RBFOX1: variants seen among roughly 807,000 people sequenced by gnomAD.
RBFOX1 encodes the protein RNA binding protein fox-1 homolog 1.
Under a neutral mutation model 57.7 loss-of-function variants are expected in RBFOX1, and 8 were observed. That is an observed-to-expected ratio of 0.14 (90% CI 0.08 to 0.25). RBFOX1 has a LOEUF of 0.25. RBFOX1 is among the 10% of genes least tolerant of loss of function. RBFOX1 has a pLI of 1.00. For synonymous variants in RBFOX1, 326 were observed against 222.4 expected, an observed-to-expected ratio of 1.47 and a Z score of -4.15; for missense variants, 611 against 548.5, an observed-to-expected ratio of 1.11 and a Z score of -1.14.
chr16:6,410,303 CTTTTTTT>C (rs34012786), intron 2 of RBFOX1, among the ~76,000 whole-genome samples: 1 of 86,744 alleles, frequency 1.2e-5, no homozygotes, highest in African/African-American at 5.0e-5. Context: ...ACCTAGGGTT[CTTTTTTT>C]TTTTTTTTTT....
chr16:6,998,624 G>A (rs527773269), intron 3 of RBFOX1, among the ~76,000 whole-genome samples: 14 of 152,046 alleles, frequency 9.2e-5, no homozygotes, highest in Non-Finnish European at 1.9e-4. Flanking sequence ...TTGCTTTTTG[G>A]TGTCTCCAAA....
chr16:6,170,095 C>G (rs781401623), intron 1 of RBFOX1, among the ~76,000 whole-genome samples: 1 of 152,116 alleles, frequency 6.6e-6, no homozygotes, highest in Non-Finnish European at 1.5e-5. Flanking sequence ...TCCACAAGGA[C>G]TCAAATATAG....
At chr16:6,682,773 C>A (rs2286967) in intron 3 of RBFOX1, among the ~76,000 whole-genome samples, 2 of 150,824 alleles carry the variant, frequency 1.3e-5, no homozygotes, top group Non-Finnish European at 2.9e-5. Context: ...TAAAATATTT[C>A]AGGGTGAAAT....
intron 1 of RBFOX1, among the ~76,000 whole-genome samples, chr16:6,170,318 C>T (rs9933445): frequency 0.14 from 20,887 of 152,068 alleles, 1,672 homozygotes; most frequent in Middle Eastern, 0.24. Context: ...TCCTACGAGA[C>T]CCTGGTCTGT....
rs372599728 is a variant in RBFOX1, at chr16:6,550,198, G to A, written c.-63-104405G>A. On this transcript the variant is annotated intron_variant, in intron 2 of 15. Coordinates refer to ENST00000550418, the MANE Select transcript of RBFOX1 (RefSeq NM_018723.4). The stretch of plus-strand genomic sequence containing the variant: ...CTTCTTTTTTGGGGGTTGGCGGGGG[G>A]ACAGAGTCTTACTCTGTCGCCCAGA... 9.7e-4 allele frequency among the ~76,000 whole-genome samples: 148 copies of A among 152,026 alleles called. 1 individual carries two copies. The highest frequency in any genetic ancestry group is 6.8e-3 in the Middle Eastern group (2 of 294).
intron 2 of RBFOX1, among the ~76,000 whole-genome samples, chr16:5,482,814 A>C (rs2069591604): frequency 6.6e-6 from 1 of 152,178 alleles, no homozygotes; most frequent in African/African-American, 2.4e-5. Context: ...GGAGAGCAAA[A>C]TATCATCAGC....
chr16:6,980,007 C>A (rs901053537), intron 3 of RBFOX1, among the ~76,000 whole-genome samples: 2 of 151,986 alleles, frequency 1.3e-5, no homozygotes, highest in Non-Finnish European at 2.9e-5. Context: ...TCCTTCCCAG[C>A]CTTAATGGTG....
intron 4 of RBFOX1, among the ~76,000 whole-genome samples, chr16:7,186,994 C>CACACACACAAAAAAAAAAAAAAAAAAAAA (rs2084002207): frequency 2.9e-5 from 2 of 69,290 alleles, no homozygotes; most frequent in African/African-American, 1.3e-4. Context: ...CCCACCTCCA[C>CACACACACAAAAAAAAAAAAAAAAAAAAA]AAAAAAAAAA....
intron 3 of RBFOX1, among the ~76,000 whole-genome samples, chr16:6,664,761 G>T (rs2154102431): frequency 6.6e-6 from 1 of 152,310 alleles, no homozygotes; most frequent in Middle Eastern, 3.4e-3. Flanking sequence ...TTGCTGCCAA[G>T]AAATCCTCAG....
intron 2 of RBFOX1, among the ~76,000 whole-genome samples, chr16:5,505,981 G>A (rs11647266): frequency 0.032 from 4,875 of 152,108 alleles, 101 homozygotes; most frequent in Middle Eastern, 0.075. Flanking sequence ...GACCCAGATT[G>A]TGTGTATATC....
chr16:5,475,379 G>A (rs189960556), intron 2 of RBFOX1, among the ~76,000 whole-genome samples: 13 of 152,276 alleles, frequency 8.5e-5, no homozygotes, highest in Admixed American at 7.8e-4. Context: ...TGTAACCCTT[G>A]TTTCTCTAAG....
intron 4 of RBFOX1, among the ~76,000 whole-genome samples, chr16:7,147,866 C>A (rs574313347): frequency 1.3e-5 from 2 of 152,166 alleles, no homozygotes; most frequent in African/African-American, 4.8e-5. Flanking sequence ...AATGGTAGTT[C>A]TGTTTAAGCC....
At chr16:7,002,320 G>C (rs191713637) in intron 3 of RBFOX1, among the ~76,000 whole-genome samples, 1 of 152,200 alleles carries the variant, frequency 6.6e-6, no homozygotes, top group Non-Finnish European at 1.5e-5. Flanking sequence ...ATCCTCTAAA[G>C]CTATTTTGTG....
intron 1 of RBFOX1, among the ~76,000 whole-genome samples, chr16:5,257,899 G>T (rs1371806591): frequency 1.3e-5 from 2 of 152,156 alleles, no homozygotes; most frequent in Non-Finnish European, 2.9e-5. Context: ...GTTTCTTTGA[G>T]ACAGGGTCTA....
intron 2 of RBFOX1, among the ~76,000 whole-genome samples, chr16:6,536,193 C>A (rs972143083): frequency 6.6e-6 from 1 of 152,172 alleles, no homozygotes; most frequent in African/African-American, 2.4e-5. Flanking sequence ...TGTATAAATG[C>A]AACCCAAAAA....
chr16:6,627,363 A>C (rs1601933378), intron 2 of RBFOX1, among the ~76,000 whole-genome samples: 1 of 152,220 alleles, frequency 6.6e-6, no homozygotes, highest in Non-Finnish European at 1.5e-5. Flanking sequence ...AAAGCAAAAC[A>C]TGCACTGCTT....
chr16:5,522,581 T>C (rs555611315), intron 2 of RBFOX1, among the ~76,000 whole-genome samples: 79 of 152,344 alleles, frequency 5.2e-4, no homozygotes, highest in African/African-American at 1.9e-3. Flanking sequence ...TTTTGAGATA[T>C]ACAGTACATT....
chr16:5,274,383 G>A (rs1393505193), intron 1 of RBFOX1, among the ~76,000 whole-genome samples: 1 of 152,076 alleles, frequency 6.6e-6, no homozygotes, highest in African/African-American at 2.4e-5. Flanking sequence ...ACAAAAATTA[G>A]CCAGGCGTGG....
In RBFOX1 at chr16:6,492,111, T is replaced by C. The variant is rs552811308; in HGVS notation, c.-63-162492T>C. On this transcript the variant is annotated intron_variant, in intron 2 of 15. Transcript: ENST00000550418. Reference sequence around the variant, plus strand: ...GAAAAATAAACATAAATAGCAAGTATATGAAAGTGTGTGTGTGTGTGCGGG... The same window carrying C: ...GAAAAATAAACATAAATAGCAAGTACATGAAAGTGTGTGTGTGTGTGCGGG... Among the ~76,000 whole-genome samples the C allele has an allele frequency of 3.2e-4, 36 of 111,872 alleles. No individual in the cohort carries two copies. The South Asian group carries it at 0.011, about 33-fold the overall frequency. 73.4% of individuals were successfully genotyped at this position (111,872 alleles called of 152,430 possible). A position where few individuals can be genotyped will look rare whatever the true frequency, so the allele number is the denominator to read the frequency against.
Sources: allele counts gnomAD v4.1 joint callset (sites outside exome capture counted in the v4.1 genomes callset), GRCh38; gene constraint gnomAD v4.1.1; transcripts MANE v1.5; gene names NCBI Gene and HGNC (gene_info 2026-07-23, HGNC 2026-07-21).